Variants in MSMB observed in about 807,000 individuals in gnomAD.
The protein encoded by MSMB is microseminoprotein beta.
Under a neutral mutation model 10.5 loss-of-function variants are expected in MSMB, and 10 were observed. The ratio of observed to expected loss-of-function variants is 0.95; its 90% CI spans 0.59 to 1.62. The LOEUF is 1.62. Ranked by LOEUF, MSMB falls within the 40% of genes most tolerant of loss-of-function variation. The probability of loss-of-function intolerance (pLI) is 0.00; values close to 1 mark genes in which losing one functional copy is unlikely to be tolerated. For synonymous variants in MSMB, 43 were observed against 46.5 expected (o/e 0.93, Z 0.30); for missense variants, 126 against 137.4 (o/e 0.92, Z 0.42).
At chr10:46,039,203 T>G in intron 2 of MSMB, 132 bp from the exon 3 acceptor site, 4 of 744,212 alleles carry the variant, frequency 5.4e-6, no homozygotes, top group Non-Finnish European at 9.2e-6. Flanking sequence ...TAAAGGTATC[T>G]AAGAATGGTG....
At chr10:46,038,375 C>T (rs1018820802) in intron 3 of MSMB, among the ~76,000 whole-genome samples, 8 of 151,874 alleles carry the variant, frequency 5.3e-5, no homozygotes, top group African/African-American at 1.9e-4. Context: ...GCAAGCTCTG[C>T]CTCCCGGGTT....
At position 46,033,564 on chromosome 10, in the gene MSMB, C is replaced by T; in HGVS notation, c.216-13G>A. The T allele has an allele frequency of 6.2e-7, 1 of 1,612,688 alleles. No homozygotes were observed. The highest frequency in any genetic ancestry group is 8.5e-7 in the Non-Finnish European group (1 of 1,178,904). ...AGGTGTAGAAACACTGTCATTGAGA[C>T]AAAACTGGGGCCTGTTAGAAGAGAA... is the stretch of plus-strand genomic sequence containing the variant. On this transcript the variant is annotated splice_polypyrimidine_tract_variant and intron_variant, in intron 3 of 3. Coordinates refer to ENST00000582163, the MANE Select transcript of MSMB (RefSeq NM_002443.4).
At chr10:46,043,749 A>G (rs1187169789) in intron 1 of MSMB, among the ~76,000 whole-genome samples, 8 of 152,226 alleles carry the variant, frequency 5.3e-5, no homozygotes, top group Admixed American at 4.6e-4. Context: ...ATCTTGGCTC[A>G]CTGCAACCTC....
At chr10:46,036,169 A>G (rs1457526168) in intron 3 of MSMB, among the ~76,000 whole-genome samples, 8 of 152,138 alleles carry the variant, frequency 5.3e-5, no homozygotes, top group Non-Finnish European at 8.8e-5. Flanking sequence ...GACATCTCCC[A>G]TGCCCTACCT....
rs144245507 is a variant in MSMB at position 46,038,761 on chromosome 10, G to T, written c.215+205C>A. 5.4e-4 allele frequency among the ~76,000 whole-genome samples: 82 copies of T among 152,248 alleles called. No homozygotes were observed. The East Asian group carries it at 0.015, about 28-fold the overall frequency. ...GGACGATGTTGATAACGGGGAGGTC[G>T]TGCATGTGTGAGGGCAGGAGGCACA... On this transcript the variant is annotated intron_variant, in intron 3 of 3. Transcript: ENST00000582163.
At chr10:46,045,853 C>CAG in intron 1 of MSMB, among the ~76,000 whole-genome samples, 1 of 152,286 alleles carries the variant, frequency 6.6e-6, no homozygotes, top group Middle Eastern at 3.4e-3. Flanking sequence ...ACCCCAGTGG[C>CAG]AGCTTCTTCC....
chr10:46,039,726 A>G (rs1429381933), intron 2 of MSMB, among the ~76,000 whole-genome samples: 3 of 152,206 alleles, frequency 2.0e-5, no homozygotes, highest in Non-Finnish European at 4.4e-5. Flanking sequence ...TACCAAAAAT[A>G]CAAAAATTAG....
chr10:46,033,572 G>A, intron 3 of MSMB, 21 bp from the exon 4 acceptor site: 1 of 1,611,938 alleles, frequency 6.2e-7, no homozygotes. Context: ...GACAAAACTG[G>A]GGCCTGTTAG....
chr10:46,040,778 C>A lies in MSMB; in HGVS notation c.4-687G>T, dbSNP rs1590196191. The stretch of plus-strand genomic sequence containing the variant: ...GACCATCCTGGCTAACACGGTGAAA[C>A]CCCGTCTCTACTAAAAATACAAAAA... On this transcript the variant is annotated intron_variant, in intron 1 of 3. Coordinates refer to ENST00000582163, the MANE Select transcript of MSMB (RefSeq NM_002443.4). 3.3e-5 allele frequency among the ~76,000 whole-genome samples: 5 copies of A among 152,092 alleles called. 1 individual carries two copies. Among genetic ancestry groups the A allele is most frequent in the Middle Eastern group, 6.8e-3 (2 of 294 alleles).
intron 3 of MSMB, among the ~76,000 whole-genome samples, chr10:46,035,586 A>G (rs1185337036): frequency 6.6e-6 from 1 of 152,232 alleles, no homozygotes; most frequent in African/African-American, 2.4e-5. Flanking sequence ...ATTTATGTGA[A>G]ATATCTAGAG....
intron 3 of MSMB, among the ~76,000 whole-genome samples, chr10:46,035,443 A>G (rs1840578847): frequency 6.6e-6 from 1 of 152,268 alleles, no homozygotes; most frequent in Non-Finnish European, 1.5e-5. Context: ...AAAATGTGGT[A>G]TGACCATGCC....
At chr10:46,035,852 G>C (rs1245326594) in intron 3 of MSMB, among the ~76,000 whole-genome samples, 3 of 152,132 alleles carry the variant, frequency 2.0e-5, no homozygotes, top group Admixed American at 2.0e-4. Context: ...AAAATAAAGT[G>C]GTGTTTGTTG....
At chr10:46,034,044 T>TA (rs1840533831) in intron 3 of MSMB, among the ~76,000 whole-genome samples, 1 of 152,204 alleles carries the variant, frequency 6.6e-6, no homozygotes, top group African/African-American at 2.4e-5. Context: ...CTGCAGTACA[T>TA]ACAAATATTT....
chr10:46,038,455 T>A (rs1840665051), intron 3 of MSMB, among the ~76,000 whole-genome samples: 1 of 152,030 alleles, frequency 6.6e-6, no homozygotes. Context: ...GCCCGGCTAA[T>A]TTTTTTGGTA....
Position 46,043,941 on chromosome 10 carries a change from C to T in MSMB, c.3+2294G>A, listed in dbSNP as rs1235889460. Among the ~76,000 whole-genome samples the T allele has an allele frequency of 2.0e-5, 3 of 152,084 alleles. No homozygotes were observed. The East Asian group carries it at 5.8e-4, about 30-fold the overall frequency. ...CCGCCCGCCTCGGCCTCCCAAAGTG[C>T]TGGGATTATGGGCGTGAGCCACCGC... is the stretch of plus-strand genomic sequence containing the variant. On this transcript the variant is annotated intron_variant, in intron 1 of 3. Transcript: ENST00000582163.
At chr10:46,044,177 G>GCTC (rs1840824678) in intron 1 of MSMB, among the ~76,000 whole-genome samples, 4 of 152,098 alleles carry the variant, frequency 2.6e-5, no homozygotes, top group Admixed American at 2.6e-4. Flanking sequence ...GTAACCCTGA[G>GCTC]CTCCTGATGT....
At chr10:46,040,358 TA>T in intron 1 of MSMB, among the ~76,000 whole-genome samples, 1 of 152,022 alleles carries the variant, frequency 6.6e-6, no homozygotes, top group African/African-American at 2.4e-5. Context: ...AAGATGGTGT[TA>T]AAAAAAATGT....
intron 1 of MSMB, among the ~76,000 whole-genome samples, chr10:46,042,134 A>G (rs1840768678): frequency 6.6e-6 from 1 of 152,358 alleles, no homozygotes; most frequent in South Asian, 2.1e-4. Context: ...TAAGCATAAA[A>G]GAAAAATAGA....
intron 3 of MSMB, among the ~76,000 whole-genome samples, chr10:46,036,923 A>G (rs1405870420): frequency 6.6e-6 from 1 of 152,152 alleles, no homozygotes; most frequent in Non-Finnish European, 1.5e-5. Context: ...TGACATCAAC[A>G]CTTGATATAA....
Sources: allele counts gnomAD v4.1 joint callset (sites outside exome capture counted in the v4.1 genomes callset), GRCh38; gene constraint gnomAD v4.1.1; transcripts MANE v1.5; gene names NCBI Gene and HGNC (gene_info 2026-07-23, HGNC 2026-07-21).